The following CCDC97 variants were observed in gnomAD, a reference collection of about 807,000 sequenced individuals.
CCDC97 encodes the protein coiled-coil domain containing 97.
A neutral mutation model predicts 33.9 loss-of-function variants in CCDC97; 27 were observed. That is an observed-to-expected ratio of 0.80 (90% CI 0.59 to 1.10). CCDC97 has a LOEUF of 1.10. CCDC97 is among the 50% of genes least tolerant of loss of function. The pLI is 0.00. For missense variants in CCDC97, 422 were observed against 476.6 expected (o/e 0.89, Z 1.07); for synonymous variants, 217 against 194.0 (o/e 1.12, Z -0.99).
intron 4 of CCDC97, among the ~76,000 whole-genome samples, chr19:41,321,953 C>T (rs1441087986): frequency 6.6e-6 from 1 of 152,186 alleles, no homozygotes; most frequent in Non-Finnish European, 1.5e-5. Flanking sequence ...AGGGCAGTAG[C>T]AAGCCCCCAG....
intron 1 of CCDC97, among the ~76,000 whole-genome samples, chr19:41,312,841 G>A (rs2037702636): frequency 6.6e-6 from 1 of 151,990 alleles, no homozygotes; most frequent in Non-Finnish European, 1.5e-5. Flanking sequence ...GCTGGAGTAC[G>A]TGATCTCGGT....
At position 41,324,811 on chromosome 19, in the gene CCDC97, C is replaced by G. The variant is rs1383059102; in HGVS notation, c.*2096C>G. On this transcript the variant is annotated 3_prime_UTR_variant, in exon 5 of 5. Transcript: ENST00000269967. ...CCTGGGCCACAGGAAAGGTATCAGC[C>G]CTTGGTGATAGGCACATTTTTTACC... is the stretch of plus-strand genomic sequence containing the variant. The G allele has an allele frequency of 1.3e-5, 2 of 152,168 alleles. No homozygotes were observed. The highest frequency in any genetic ancestry group is 2.9e-5 in the Non-Finnish European group (2 of 68,032). 9.4% of individuals were successfully genotyped at this position (152,168 alleles called of 1,614,324 possible). A position where few individuals can be genotyped will look rare whatever the true frequency, so the allele number is the denominator to read the frequency against.
chr19:41,314,433 C>T (rs1477146611), intron 1 of CCDC97, among the ~76,000 whole-genome samples: 4 of 152,232 alleles, frequency 2.6e-5, no homozygotes, highest in Non-Finnish European at 5.9e-5. Context: ...CAAGCCACCG[C>T]GCCCGGCCTA....
chr19:41,316,193 G>A (rs1007012254), intron 1 of CCDC97, among the ~76,000 whole-genome samples, 191 bp from the exon 2 acceptor site: 17 of 152,192 alleles, frequency 1.1e-4, no homozygotes, highest in African/African-American at 4.1e-4. Context: ...TTATGTTTTC[G>A]GTAATTATGT....
chr19:41,320,777 C>T lies in CCDC97; in HGVS notation c.911+307C>T, dbSNP rs373079261. 109 of 292,102 alleles carry T rather than the reference C, an allele frequency of 3.7e-4. 2 individuals carry two copies. The highest frequency in any genetic ancestry group is 2.2e-3 in the African/African-American group (103 of 45,950). The allele number at this position is 292,102 out of a possible 1,614,324, so 18.1% of individuals were successfully genotyped here. A position where few individuals can be genotyped will look rare whatever the true frequency, so the allele number is the denominator to read the frequency against. On this transcript the variant is annotated intron_variant, in intron 4 of 4. Transcript: ENST00000269967. ...CAATGGCAGAGGCTACTACCCCAAG[C>T]CCCCCAAGTCTCCCTAGGAAGCCCA...
chr19:41,319,176 C>T (rs989970191), intron 2 of CCDC97, among the ~76,000 whole-genome samples: 11 of 152,230 alleles, frequency 7.2e-5, no homozygotes, highest in African/African-American at 2.7e-4. Flanking sequence ...GCCAGGTCTG[C>T]CCATGCACAC....
rs776967455 is a variant in CCDC97, at chr19:41,316,723, A to G, written c.386A>G (p.Asp129Gly). 2 of 1,613,786 alleles carry G rather than the reference A, an allele frequency of 1.2e-6. No individual in the cohort carries two copies. The highest frequency in any genetic ancestry group is 2.2e-5 in the South Asian group (2 of 91,076). ...HLACFGHVRGDHRADFYCAEV... is the reference protein window; with the variant it reads ...HLACFGHVRGGHRADFYCAEV... ...GCCTGCTTTGGCCACGTGCGTGGCG[A>G]CCACCGTGCAGACTTCTACTGTGCT... The change falls in exon 2 of 5, where the codon GAC becomes GGC. Residue 129 changes from aspartate (D) to glycine (G), a missense_variant. Physicochemically the swap from Asp to Gly is moderately conservative, Grantham distance 94 (BLOSUM62 -1). Transcript: ENST00000269967.
At chr19:41,311,917 T>A (rs1456846071) in intron 1 of CCDC97, among the ~76,000 whole-genome samples, 1 of 152,056 alleles carries the variant, frequency 6.6e-6, no homozygotes, top group Non-Finnish European at 1.5e-5. Flanking sequence ...GAAAAAAAAT[T>A]TGTCTCTTGG....
chr19:41,310,656 C>G (rs2037672747), intron 1 of CCDC97: 2 of 1,316,366 alleles, frequency 1.5e-6, no homozygotes, highest in Middle Eastern at 2.9e-4. Context: ...CTCTCTACCC[C>G]GGCCTAATTC....
In CCDC97 at chr19:41,312,999, T is replaced by C. The variant is rs561697475; in HGVS notation, c.46+2643T>C. 2.6e-5 allele frequency among the ~76,000 whole-genome samples: 4 copies of C among 152,324 alleles called. No individual in the cohort carries two copies. In the South Asian group the frequency reaches 8.3e-4, roughly 32 times the overall value. ...GTTGGCCAAGCTGGTCTTGAGCTCCTGACCTGAAGTGATTCTCTCACCTTG... is the reference window on the plus strand; with the variant it reads ...GTTGGCCAAGCTGGTCTTGAGCTCCCGACCTGAAGTGATTCTCTCACCTTG... On this transcript the variant is annotated intron_variant, in intron 1 of 4. Coordinates refer to ENST00000269967, the MANE Select transcript of CCDC97 (RefSeq NM_052848.3).
chr19:41,319,501 C>A, intron 2 of CCDC97, 73 bp from the exon 3 acceptor site: 2 of 1,090,038 alleles, frequency 1.8e-6, no homozygotes, highest in Non-Finnish European at 2.7e-6. Flanking sequence ...CAAGCATGAT[C>A]ACACACATAC....
At position 41,323,602 on chromosome 19, in the gene CCDC97, G is replaced by GA. The variant is rs1034801672; in HGVS notation, c.*888dup. ...CCAGCTTGAGTGTAGAGGGAGGGGG[G>GA]ACTCTACCCTTCTCAGCCCCACCAG... On this transcript the variant is annotated 3_prime_UTR_variant, in exon 5 of 5. Coordinates refer to ENST00000269967, the MANE Select transcript of CCDC97 (RefSeq NM_052848.3). The GA allele has an allele frequency of 6.2e-5, 9 of 146,130 alleles. No homozygotes were observed. Among genetic ancestry groups the GA allele is most frequent in the African/African-American group, 2.3e-4 (9 of 39,204 alleles). The allele number at this position is 146,130 out of a possible 1,614,324, so 9.1% of individuals were successfully genotyped here.
At chr19:41,320,196 G>T in intron 3 of CCDC97, 145 bp from the exon 4 acceptor site, 1 of 1,025,632 alleles carries the variant, frequency 9.8e-7, no homozygotes, top group Non-Finnish European at 1.5e-6. Context: ...GGAGGGCAGG[G>T]ACCAGGGCCA....
chr19:41,320,587 A>C, intron 4 of CCDC97, 117 bp downstream of exon 4: 1 of 1,345,796 alleles, frequency 7.4e-7, no homozygotes, highest in Non-Finnish European at 1.0e-6. Context: ...AAGGCCCCAA[A>C]ACAGTTCCAG....
In CCDC97 at chr19:41,310,204, T is replaced by C. The variant is rs761948860; in HGVS notation, c.-107T>C. 4.7e-6 allele frequency: 7 copies of C among 1,480,198 alleles called. No individual in the cohort carries two copies. The highest frequency in any genetic ancestry group is 2.0e-5 in the Admixed American group (1 of 50,500). The allele number at this position is 1,480,198 out of a possible 1,614,324, so 91.7% of individuals were successfully genotyped here. A position where few individuals can be genotyped will look rare whatever the true frequency, so the allele number is the denominator to read the frequency against. On this transcript the variant is annotated 5_prime_UTR_variant, in exon 1 of 5. Coordinates refer to ENST00000269967, the MANE Select transcript of CCDC97 (RefSeq NM_052848.3). ...GAACTTCGGTGCCTGGGCGCAGCGGTGCACCCGGACCCGGAACATTCTCAG... is the reference window on the plus strand; with the variant it reads ...GAACTTCGGTGCCTGGGCGCAGCGGCGCACCCGGACCCGGAACATTCTCAG...
chr19:41,321,476 T>C (rs1458866451), intron 4 of CCDC97, among the ~76,000 whole-genome samples: 1 of 152,214 alleles, frequency 6.6e-6, no homozygotes, highest in African/African-American at 2.4e-5. Flanking sequence ...TCAGTTGGCA[T>C]GTGCTGAGCA....
Position 41,322,821 on chromosome 19 carries a change from C to T in CCDC97, c.*106C>T. On this transcript the variant is annotated 3_prime_UTR_variant, in exon 5 of 5. Transcript: ENST00000269967. ...CTCTAGGGGGACATCAGGGCAGTGC[C>T]CCACAACCCACACACACCACCATCT... 5 of 1,280,950 alleles carry T rather than the reference C, an allele frequency of 3.9e-6. No homozygotes were observed. In the South Asian group the frequency reaches 6.9e-5, roughly 18 times the overall value. 79.3% of individuals were successfully genotyped at this position (1,280,950 alleles called of 1,614,324 possible).
At chr19:41,312,572 A>G (rs1419018315) in intron 1 of CCDC97, among the ~76,000 whole-genome samples, 1 of 152,220 alleles carries the variant, frequency 6.6e-6, no homozygotes, top group East Asian at 1.9e-4. Context: ...TACAAACTGC[A>G]TGGCTTCAAA....
rs576293059 is a variant in CCDC97, at chr19:41,311,429, C to G, written c.46+1073C>G. On this transcript the variant is annotated intron_variant, in intron 1 of 4. Coordinates refer to ENST00000269967, the MANE Select transcript of CCDC97 (RefSeq NM_052848.3). ...CTGGCAACATAGCCAGACCCCATCT[C>G]TACAAAAAATTTAAAAATTAAGGCC... is the stretch of plus-strand genomic sequence containing the variant. Among the ~76,000 whole-genome samples the G allele has an allele frequency of 2.8e-3, 422 of 151,478 alleles. 4 individuals carry two copies. Among genetic ancestry groups the G allele is most frequent in the African/African-American group, 9.8e-3 (404 of 41,290 alleles).
Sources: gnomAD v4.1 joint callset for allele counts (sites outside exome capture counted in the v4.1 genomes callset) on GRCh38, gnomAD v4.1.1 for gene constraint, MANE v1.5 for transcripts, NCBI Gene and HGNC (gene_info 2026-07-23, HGNC 2026-07-21) for gene names.